The following MACROD2 variants were observed in gnomAD, a reference collection of about 807,000 sequenced individuals.
The protein encoded by MACROD2 is ADP-ribose glycohydrolase MACROD2.
A neutral mutation model predicts 70.4 loss-of-function variants in MACROD2; 36 were observed. The observed-to-expected ratio is 0.51, with a 90% CI of 0.39 to 0.68. The LOEUF is 0.68. Ranked by LOEUF, MACROD2 falls within the 30% of genes least tolerant of loss-of-function variation. The pLI, the probability that MACROD2 is intolerant of heterozygous loss-of-function variation, is 0.00. For missense variants in MACROD2, 496 were observed against 538.4 expected (o/e 0.92, Z 0.78); for synonymous variants, 172 against 178.8 (o/e 0.96, Z 0.30).
At chr20:14,307,062 A>G (rs1276284677) in intron 3 of MACROD2, among the ~76,000 whole-genome samples, 1 of 151,932 alleles carries the variant, frequency 6.6e-6, no homozygotes, top group African/African-American at 2.4e-5. Flanking sequence ...ACTGTTGAGA[A>G]GAAAAATGAA....
At chr20:15,875,877 T>G (rs1245135236) in intron 9 of MACROD2, among the ~76,000 whole-genome samples, 4 of 151,860 alleles carry the variant, frequency 2.6e-5, no homozygotes, top group Non-Finnish European at 5.9e-5. Flanking sequence ...TCAAACATTC[T>G]GGGTAGACTG....
At chr20:15,131,266 A>C (rs1316910329) in intron 5 of MACROD2, among the ~76,000 whole-genome samples, 2 of 152,144 alleles carry the variant, frequency 1.3e-5, no homozygotes, top group Admixed American at 1.3e-4. Flanking sequence ...ACAAGGACAC[A>C]TTATGTTTCA....
intron 3 of MACROD2, among the ~76,000 whole-genome samples, chr20:14,105,565 G>T (rs6042530): frequency 0.041 from 6,252 of 152,234 alleles, 176 homozygotes; most frequent in African/African-American, 0.08. Context: ...AACTCAAGAG[G>T]CAGTCTAGCT....
intron 3 of MACROD2, among the ~76,000 whole-genome samples, chr20:14,453,273 G>A (rs1427741865): frequency 2.0e-5 from 3 of 152,110 alleles, no homozygotes; most frequent in Non-Finnish European, 4.4e-5. Flanking sequence ...CCCCTCTGAT[G>A]TGTGTCCCTA....
intron 8 of MACROD2, among the ~76,000 whole-genome samples, chr20:15,796,075 C>A (rs779911309): frequency 3.9e-5 from 6 of 152,080 alleles, no homozygotes; most frequent in Admixed American, 3.9e-4. Flanking sequence ...GTGTTGCACC[C>A]CAACACCTCT....
intron 5 of MACROD2, among the ~76,000 whole-genome samples, chr20:15,108,204 C>T (rs961722177): frequency 2.0e-5 from 3 of 152,016 alleles, no homozygotes; most frequent in Non-Finnish European, 4.4e-5. Context: ...GGTGACATTA[C>T]TGAGCTCTTA....
At chr20:15,565,352 G>A (rs2048296522) in intron 8 of MACROD2, among the ~76,000 whole-genome samples, 1 of 152,196 alleles carries the variant, frequency 6.6e-6, no homozygotes, top group South Asian at 2.1e-4. Context: ...AAACATGGCT[G>A]TAACCATAAA....
intron 4 of MACROD2, among the ~76,000 whole-genome samples, chr20:14,516,313 C>T (rs1357965185): frequency 6.6e-6 from 1 of 151,874 alleles, no homozygotes. Context: ...TTAATTAGAT[C>T]CCATTTGTCA....
intron 4 of MACROD2, among the ~76,000 whole-genome samples, chr20:14,670,811 C>A (rs2070786427): frequency 6.6e-6 from 1 of 152,168 alleles, no homozygotes; most frequent in Non-Finnish European, 1.5e-5. Context: ...CCCAACTGTT[C>A]TTTCTACCAC....
rs182500188 is a variant in MACROD2 at position 14,396,481 on chromosome 20, T to C, written c.272-96998T>C. 2.0e-5 allele frequency among the ~76,000 whole-genome samples: 3 copies of C among 152,346 alleles called. No individual in the cohort carries two copies. In the East Asian group the frequency reaches 5.8e-4, roughly 29 times the overall value. On this transcript the variant is annotated intron_variant, in intron 3 of 17. Coordinates refer to ENST00000684519, the MANE Select transcript of MACROD2 (RefSeq NM_001351661.2). ...GAAACCTTCTTTATTCTTGGTAATA[T>C]CATTTTCTCTGGAATCTACTTTTAT...
At chr20:14,173,575 G>A (rs2081240678) in intron 3 of MACROD2, among the ~76,000 whole-genome samples, 1 of 152,092 alleles carries the variant, frequency 6.6e-6, no homozygotes, top group Non-Finnish European at 1.5e-5. Context: ...TGGTTTCCCT[G>A]ATTCACTTAG....
intron 5 of MACROD2, among the ~76,000 whole-genome samples, chr20:14,740,857 C>T (rs1292445379): frequency 2.0e-5 from 3 of 152,026 alleles, no homozygotes. Flanking sequence ...CATCTTGGCC[C>T]TTTGTGGGCC....
intron 3 of MACROD2, among the ~76,000 whole-genome samples, chr20:14,354,107 C>T (rs558149278): frequency 1.3e-5 from 2 of 152,172 alleles, no homozygotes; most frequent in East Asian, 3.9e-4. Context: ...TTGTTGTATT[C>T]CTTAGAATTT....
chr20:14,130,050 T>C (rs538833817), intron 3 of MACROD2, among the ~76,000 whole-genome samples: 2 of 152,306 alleles, frequency 1.3e-5, no homozygotes, highest in South Asian at 2.1e-4. Context: ...TCATAAAATA[T>C]ACCCAACTGA....
chr20:14,920,822 A>G (rs1193318657), intron 5 of MACROD2, among the ~76,000 whole-genome samples: 1 of 152,210 alleles, frequency 6.6e-6, no homozygotes, highest in Non-Finnish European at 1.5e-5. Context: ...GAAAGTGGGG[A>G]AATCACTTTG....
chr20:15,267,176 T>C (rs1248346075), intron 6 of MACROD2, among the ~76,000 whole-genome samples: 1 of 152,114 alleles, frequency 6.6e-6, no homozygotes, highest in Non-Finnish European at 1.5e-5. Flanking sequence ...CCCCCTCTCC[T>C]CTGCATCCCC....
chr20:14,011,995 G>A (rs867385804), intron 2 of MACROD2, among the ~76,000 whole-genome samples: 1 of 151,932 alleles, frequency 6.6e-6, no homozygotes, highest in Non-Finnish European at 1.5e-5. Flanking sequence ...TGCAACCTTC[G>A]CCTCCCAAGT....
intron 2 of MACROD2, among the ~76,000 whole-genome samples, chr20:14,065,288 T>C (rs988693427): frequency 2.0e-5 from 3 of 152,216 alleles, no homozygotes; most frequent in Non-Finnish European, 2.9e-5. Context: ...TCCTTCACAG[T>C]CTCTCTCGCA....
At chr20:15,408,304 C>T (rs2046031718) in intron 6 of MACROD2, among the ~76,000 whole-genome samples, 1 of 152,194 alleles carries the variant, frequency 6.6e-6, no homozygotes, top group South Asian at 2.1e-4. Flanking sequence ...CAACGGACGA[C>T]AGGTTCTGGC....
Sources: allele counts gnomAD v4.1 joint callset (sites outside exome capture counted in the v4.1 genomes callset), GRCh38; gene constraint gnomAD v4.1.1; transcripts MANE v1.5; gene names NCBI Gene and HGNC (gene_info 2026-07-23, HGNC 2026-07-21).